Variants in ZNF560 observed in about 807,000 individuals in gnomAD.
The protein encoded by ZNF560 is zinc finger protein 560.
A neutral mutation model predicts 81.8 loss-of-function variants in ZNF560; 54 were observed. That is an observed-to-expected ratio of 0.66 (90% CI 0.53 to 0.83). The LOEUF (loss-of-function observed/expected upper bound fraction) is 0.83. Ranked by LOEUF, ZNF560 falls within the 40% of genes least tolerant of loss-of-function variation. ZNF560 has a pLI of 0.00. For missense variants in ZNF560, 940 were observed against 932.4 expected (o/e 1.01, Z -0.11); for synonymous variants, 321 against 317.9 (o/e 1.01, Z -0.10).
the ZNF560 span, among the ~76,000 whole-genome samples, chr19:9,447,133 C>CA: frequency 0.075 from 6,056 of 80,754 alleles, 216 homozygotes; most frequent in Admixed American, 0.11. Flanking sequence ...GACTCCGTCA[C>CA]AAAAAAAAAA....
chr19:9,469,952 C>G lies in ZNF560; in HGVS notation c.449-242G>C, dbSNP rs570051385. ...TAGCAGTGAGCTGCACTTTTTCTTT[C>G]TAAATGGCAAATGTTAAATACAAAT... On this transcript the variant is annotated intron_variant, in intron 7 of 9. Coordinates refer to ENST00000301480, the MANE Select transcript of ZNF560 (RefSeq NM_152476.3). 8.2e-6 allele frequency: 4 copies of G among 487,354 alleles called. No individual in the cohort carries two copies. The South Asian group carries it at 1.6e-4, about 20-fold the overall frequency. 30.2% of individuals were successfully genotyped at this position (487,354 alleles called of 1,614,324 possible).
rs1042950137 is a variant in ZNF560 at position 9,466,428 on chromosome 19, A to G, written c.*146T>C. ...GTTTCTCTACAGTGTGAGTTTGTAC[A>G]TATCTAGAAAGATTCAACTGTTCAG... On this transcript the variant is annotated 3_prime_UTR_variant, in exon 10 of 10. Coordinates refer to ENST00000301480, the MANE Select transcript of ZNF560 (RefSeq NM_152476.3). 2.9e-6 allele frequency: 2 copies of G among 695,918 alleles called. No homozygotes were observed. The highest frequency in any genetic ancestry group is 1.8e-5 in the African/African-American group (1 of 55,538). 43.1% of individuals were successfully genotyped at this position (695,918 alleles called of 1,614,324 possible).
intron 2 of ZNF560, among the ~76,000 whole-genome samples, chr19:9,476,127 T>C (rs1202299959): frequency 1.3e-5 from 2 of 152,130 alleles, no homozygotes; most frequent in African/African-American, 2.4e-5. Context: ...GGGGTACTGA[T>C]ATGGTGTGGC....
the ZNF560 span, among the ~76,000 whole-genome samples, chr19:9,446,480 G>A: frequency 6.6e-6 from 1 of 151,746 alleles, no homozygotes; most frequent in Non-Finnish European, 1.5e-5. Context: ...ATTCATCCAC[G>A]TTAGGGGGTT....
At chr19:9,498,015 T>A (rs2073589717) in intron 2 of ZNF560, 113 bp downstream of exon 2, 1 of 152,084 alleles carries the variant, frequency 6.6e-6, no homozygotes, top group Non-Finnish European at 1.5e-5. Context: ...AATGTGTCAA[T>A]AAAAAATATA....
intron 2 of ZNF560, among the ~76,000 whole-genome samples, chr19:9,489,510 C>G (rs910331408): frequency 6.6e-6 from 1 of 152,180 alleles, no homozygotes; most frequent in African/African-American, 2.4e-5. Flanking sequence ...GTGCTCATCA[C>G]TTGTCAGACA....
At position 9,482,236 on chromosome 19, in the gene ZNF560, G is replaced by A. The variant is rs1235435295; in HGVS notation, c.-56-6867C>T. The stretch of plus-strand genomic sequence containing the variant: ...GAGAATTGAACAATGAGAACACTTG[G>A]ACACAGGGTGGGGAATATCACACAC... On this transcript the variant is annotated intron_variant, in intron 2 of 9. Coordinates refer to ENST00000301480, the MANE Select transcript of ZNF560 (RefSeq NM_152476.3). Among the ~76,000 whole-genome samples, 6 of 152,002 alleles carry A rather than the reference G, an allele frequency of 3.9e-5. No individual in the cohort carries two copies. In the East Asian group the frequency reaches 1.2e-3, roughly 30 times the overall value.
chr19:9,470,273 T>A, intron 7 of ZNF560, 119 bp downstream of exon 7: 2 of 1,374,244 alleles, frequency 1.5e-6, no homozygotes, highest in Non-Finnish European at 2.0e-6. Context: ...AAAAAATTTT[T>A]TTTCAGTGTG....
At chr19:9,497,903 G>A (rs2059447142) in intron 2 of ZNF560, among the ~76,000 whole-genome samples, 3 of 152,116 alleles carry the variant, frequency 2.0e-5, no homozygotes, top group Admixed American at 2.0e-4. Flanking sequence ...AGTATTCTTA[G>A]GTTTCTTTAG....
the ZNF560 span, among the ~76,000 whole-genome samples, chr19:9,454,771 C>A: frequency 6.6e-6 from 1 of 151,068 alleles, no homozygotes; most frequent in Non-Finnish European, 1.5e-5. Context: ...ATTCCTATAA[C>A]TGTCTGGTCA....
the ZNF560 span, among the ~76,000 whole-genome samples, chr19:9,453,404 T>C: frequency 3.5e-5 from 5 of 142,716 alleles, no homozygotes; most frequent in African/African-American, 1.1e-4. Context: ...TTGAAAGGAA[T>C]TAACAAAACT....
At chr19:9,449,904 G>A in the ZNF560 span, among the ~76,000 whole-genome samples, 1 of 148,740 alleles carries the variant, frequency 6.7e-6, no homozygotes, top group African/African-American at 2.5e-5. Flanking sequence ...AGGAGGCGGA[G>A]GTTGCAGTGA....
upstream of ZNF560, among the ~76,000 whole-genome samples, chr19:9,500,875 A>T (rs2073627632): frequency 6.6e-6 from 1 of 152,046 alleles, no homozygotes; most frequent in Admixed American, 6.6e-5. Flanking sequence ...ACGCCTGGCC[A>T]GTTTTCTTAA....
chr19:9,447,636 TG>T, the ZNF560 span, among the ~76,000 whole-genome samples: 4 of 152,034 alleles, frequency 2.6e-5, no homozygotes, highest in Admixed American at 2.0e-4. Flanking sequence ...GCTTGAAGAC[TG>T]GTCTTTCAAC....
At chr19:9,460,018 A>T in the ZNF560 span, among the ~76,000 whole-genome samples, 1 of 152,084 alleles carries the variant, frequency 6.6e-6, no homozygotes, top group Non-Finnish European at 1.5e-5. Context: ...TGGTGGAAAG[A>T]CCCGATAACA....
chr19:9,463,958 C>T (rs1442397893), downstream of ZNF560, among the ~76,000 whole-genome samples: 1 of 152,214 alleles, frequency 6.6e-6, no homozygotes, highest in Non-Finnish European at 1.5e-5. Flanking sequence ...GCTGGGATTA[C>T]AGGCATAAGC....
At chr19:9,454,708 G>T in the ZNF560 span, among the ~76,000 whole-genome samples, 1 of 152,124 alleles carries the variant, frequency 6.6e-6, no homozygotes, top group African/African-American at 2.4e-5. Context: ...GTAGAGGTCT[G>T]GGAGGAGGTA....
chr19:9,456,440 C>T, the ZNF560 span, among the ~76,000 whole-genome samples: 5 of 152,138 alleles, frequency 3.3e-5, no homozygotes, highest in East Asian at 3.9e-4. Flanking sequence ...CTGATTTTAC[C>T]GTATGTGGGA....
Position 9,483,297 on chromosome 19 carries a change from C to T in ZNF560, c.-56-7928G>A, listed in dbSNP as rs1228261901. ...GCCGCCCCGTCTGGGATGTGAGGAG[C>T]GCCTCTGCCCGGCCGCGACCCCATC... On this transcript the variant is annotated intron_variant, in intron 2 of 9. Coordinates refer to ENST00000301480, the MANE Select transcript of ZNF560 (RefSeq NM_152476.3). Among the ~76,000 whole-genome samples, 8 of 144,764 alleles carry T rather than the reference C, an allele frequency of 5.5e-5. No homozygotes were observed. In the East Asian group the frequency reaches 1.1e-3, roughly 19 times the overall value. The allele number at this position is 144,764 out of a possible 152,430, so 95.0% of individuals were successfully genotyped here.
Sources: gnomAD v4.1 joint callset for allele counts (sites outside exome capture counted in the v4.1 genomes callset) on GRCh38, gnomAD v4.1.1 for gene constraint, MANE v1.5 for transcripts, NCBI Gene and HGNC (gene_info 2026-07-23, HGNC 2026-07-21) for gene names.